MECOM: variants seen among roughly 807,000 people sequenced by gnomAD.
MECOM encodes histone-lysine N-methyltransferase MECOM.
In MECOM, 13 loss-of-function variants were observed where a neutral mutation model predicts 116.3. The observed-to-expected ratio is 0.11, with a 90% CI of 0.07 to 0.18. The LOEUF (loss-of-function observed/expected upper bound fraction) is 0.18, where lower values mean the gene tolerates loss of function less well. Among genes scored for constraint, MECOM ranks in the 10% least tolerant of loss-of-function variants. The pLI, the probability that MECOM is intolerant of heterozygous loss-of-function variation, is 1.00. For synonymous variants in MECOM, 528 were observed against 535.2 expected (o/e 0.99, Z 0.19); for missense variants, 1,299 against 1,509.0 (o/e 0.86, Z 2.31).
chr3:169,563,426 C>A (rs1762880919), intron 1 of MECOM, among the ~76,000 whole-genome samples: 1 of 152,192 alleles, frequency 6.6e-6, no homozygotes, highest in Non-Finnish European at 1.5e-5. Flanking sequence ...ATTGACATAT[C>A]CCATGTTTTG....
intron 2 of MECOM, among the ~76,000 whole-genome samples, chr3:169,265,107 A>AT (rs1051304893): frequency 1.4e-4 from 21 of 152,216 alleles, no homozygotes; most frequent in Admixed American, 1.2e-3. Context: ...TTGAAGGAAG[A>AT]TTTTTTTTAA....
intron 2 of MECOM, among the ~76,000 whole-genome samples, chr3:169,186,199 C>T (rs1285093407): frequency 6.6e-6 from 1 of 151,912 alleles, no homozygotes; most frequent in Non-Finnish European, 1.5e-5. Context: ...AGCTTATTTC[C>T]AATACCTAGC....
chr3:169,314,641 G>C (rs1296796152), intron 2 of MECOM, among the ~76,000 whole-genome samples: 1 of 151,972 alleles, frequency 6.6e-6, no homozygotes, highest in Non-Finnish European at 1.5e-5. Context: ...AAGTGGGAAA[G>C]AGAAGAAAAG....
intron 10 of MECOM, among the ~76,000 whole-genome samples, chr3:169,106,616 A>T (rs886935665): frequency 2.6e-5 from 4 of 152,168 alleles, no homozygotes; most frequent in African/African-American, 9.6e-5. Context: ...CTGTTGTATT[A>T]TAAGAAAAGG....
At chr3:169,191,799 G>C (rs185131362) in intron 2 of MECOM, among the ~76,000 whole-genome samples, 5 of 140,844 alleles carry the variant, frequency 3.6e-5, no homozygotes, top group African/African-American at 5.1e-5. Context: ...AGAAAGGGAG[G>C]GAAGGATAAA....
At chr3:169,122,156 A>T (rs1731244605) in intron 6 of MECOM, among the ~76,000 whole-genome samples, 1 of 152,172 alleles carries the variant, frequency 6.6e-6, no homozygotes, top group African/African-American at 2.4e-5. Context: ...AAAATCTGCA[A>T]ATATAAGAGT....
intron 10 of MECOM, among the ~76,000 whole-genome samples, chr3:169,106,204 A>G (rs886991072): frequency 3.3e-5 from 5 of 152,170 alleles, no homozygotes; most frequent in South Asian, 4.1e-4. Context: ...TCTCAAAATC[A>G]TGGTCATATG....
At position 169,143,851 on chromosome 3, in the gene MECOM, G is replaced by T; in HGVS notation, c.376-19C>A. ...CTAAGATCTGGAGGGAAGAAGATGA[G>T]AACAATCAATTGCCATATTGGCCCA... On this transcript the variant is annotated intron_variant, in intron 2 of 16. Coordinates refer to ENST00000651503, the MANE Select transcript of MECOM (RefSeq NM_004991.4). 6.3e-7 allele frequency: 1 copy of T among 1,580,132 alleles called. No individual in the cohort carries two copies. The highest frequency in any genetic ancestry group is 8.6e-7 in the Non-Finnish European group (1 of 1,162,338).
At chr3:169,099,998 T>C (rs1167000440) in intron 12 of MECOM, among the ~76,000 whole-genome samples, 1 of 152,028 alleles carries the variant, frequency 6.6e-6, no homozygotes. Context: ...TTTTCTATAA[T>C]ATACTCTATT....
intron 13 of MECOM, among the ~76,000 whole-genome samples, chr3:169,094,682 A>G (rs1720934004): frequency 6.6e-6 from 1 of 152,180 alleles, no homozygotes; most frequent in Non-Finnish European, 1.5e-5. Context: ...TTCTAGATTA[A>G]TATTCAGAGG....
At chr3:169,147,748 G>A (rs1017973332) in intron 2 of MECOM, 113 of 983,328 alleles carry the variant, frequency 1.1e-4, no homozygotes, top group Non-Finnish European at 1.2e-4. Flanking sequence ...GCGAGTGTGT[G>A]TGTGCATGTG....
At chr3:169,377,114 T>C (rs568902892) in intron 2 of MECOM, among the ~76,000 whole-genome samples, 8 of 152,302 alleles carry the variant, frequency 5.3e-5, no homozygotes, top group Non-Finnish European at 1.2e-4. Context: ...TTGGGAAAAC[T>C]GGCAAGCCAT....
At chr3:169,634,570 T>A (rs1458355733) in intron 1 of MECOM, among the ~76,000 whole-genome samples, 2 of 152,112 alleles carry the variant, frequency 1.3e-5, no homozygotes, top group Non-Finnish European at 2.9e-5. Context: ...CCAGTCAACC[T>A]TTTTCTCTCT....
At chr3:169,618,520 G>A (rs1189760321) in intron 1 of MECOM, among the ~76,000 whole-genome samples, 1 of 152,114 alleles carries the variant, frequency 6.6e-6, no homozygotes, top group African/African-American at 2.4e-5. Context: ...AGCTGGTCAT[G>A]GTGGCGCGCG....
intron 1 of MECOM, among the ~76,000 whole-genome samples, chr3:169,562,139 CAA>C (rs10714325): frequency 8.7e-3 from 221 of 25,280 alleles, no homozygotes; most frequent in African/African-American, 0.028. Context: ...GAGCAATACT[CAA>C]AAAAAAAAAA....
intron 3 of MECOM, among the ~76,000 whole-genome samples, chr3:169,133,078 A>C (rs560653901): frequency 1.3e-5 from 2 of 151,398 alleles, no homozygotes; most frequent in South Asian, 4.2e-4. Context: ...AAGCCAAAAA[A>C]GTCCAGATTC....
intron 2 of MECOM, among the ~76,000 whole-genome samples, chr3:169,235,683 G>C (rs1753953882): frequency 6.6e-6 from 1 of 152,084 alleles, no homozygotes; most frequent in Admixed American, 6.6e-5. Context: ...AGACTTCCCT[G>C]TTTCTCTGTT....
intron 2 of MECOM, chr3:169,147,765 T>TGA (rs1299725227): frequency 5.7e-5 from 54 of 944,452 alleles, no homozygotes; most frequent in South Asian, 2.5e-4. Context: ...TGTGTGTGTG[T>TGA]GAGAGAGAGA....
At chr3:169,151,836 T>C (rs1341434109) in intron 2 of MECOM, among the ~76,000 whole-genome samples, 8 of 152,200 alleles carry the variant, frequency 5.3e-5, no homozygotes, top group African/African-American at 1.7e-4. Flanking sequence ...CTGATTCATA[T>C]ATAAATATTT....
Sources: allele counts gnomAD v4.1 joint callset (sites outside exome capture counted in the v4.1 genomes callset), GRCh38; gene constraint gnomAD v4.1.1; transcripts MANE v1.5; gene names NCBI Gene and HGNC (gene_info 2026-07-23, HGNC 2026-07-21).